The following GATM variants were observed in gnomAD, a reference collection of about 807,000 sequenced individuals.
GATM encodes glycine amidinotransferase, mitochondrial.
Under a neutral mutation model 54.2 loss-of-function variants are expected in GATM, and 23 were observed. The ratio of observed to expected loss-of-function variants is 0.42; its 90% confidence interval spans 0.31 to 0.60. The LOEUF (loss-of-function observed/expected upper bound fraction) is 0.60, where lower values mean the gene tolerates loss of function less well. Ranked by LOEUF, GATM falls within the 20% of genes least tolerant of loss-of-function variation. The pLI, the probability that GATM is intolerant of heterozygous loss-of-function variation, is 0.14. For missense variants in GATM, 401 were observed against 544.9 expected, an observed-to-expected ratio of 0.74 and a Z score of 2.63; for synonymous variants, 168 against 183.1, an observed-to-expected ratio of 0.92 and a Z score of 0.67.
chr15:45,397,315 G>A (rs1309923487), intron 2 of GATM: 1 of 151,968 alleles, frequency 6.6e-6, no homozygotes, highest in African/African-American at 2.4e-5. Flanking sequence ...CCTAGATGAG[G>A]GCTGGTCACC....
chr15:45,391,886 G>C (rs1194228716), intron 3 of GATM, among the ~76,000 whole-genome samples: 2 of 152,180 alleles, frequency 1.3e-5, no homozygotes, highest in Non-Finnish European at 2.9e-5. Context: ...AAAGATTTTA[G>C]GTTGGCAGAT....
chr15:45,376,712 A>C lies in GATM; in HGVS notation c.177T>G (p.Pro59=), dbSNP rs750790141. ...SCAADDKATE[P]LPKDCPVSSY... ...AAGAGACAGGGCAGTCCTTGGGCAG[A>C]GGCTCAGTGGCTTTGTCGTCAGCTG... The change falls in exon 2 of 9, where the codon CCT becomes CCG. Residue 59 remains proline (P), a synonymous_variant. Transcript: ENST00000396659. 1 of 1,614,212 alleles carries C rather than the reference A, an allele frequency of 6.2e-7. No individual in the cohort carries two copies. The highest frequency in any genetic ancestry group is 8.5e-7 in the Non-Finnish European group (1 of 1,180,036).
chr15:45,378,557 G>T (rs1397532388), upstream of GATM: 1 of 856,540 alleles, frequency 1.2e-6, no homozygotes. Context: ...GCGGGCGCGC[G>T]GGGCCCGAGG....
At chr15:45,367,653 C>CTGTA (rs1313885794) in intron 4 of GATM, among the ~76,000 whole-genome samples, 3 of 152,094 alleles carry the variant, frequency 2.0e-5, no homozygotes, top group Non-Finnish European at 4.4e-5. Flanking sequence ...TGAATTTGAA[C>CTGTA]TGTAGATCAG....
At chr15:45,382,016 G>A (rs1022810825), upstream of GATM, among the ~76,000 whole-genome samples, 1 of 152,198 alleles carries the variant, frequency 6.6e-6, no homozygotes, top group African/African-American at 2.4e-5. Flanking sequence ...GAACACGTGA[G>A]TGAATTACCT....
At chr15:45,393,348 C>T (rs1306904520) in intron 3 of GATM, among the ~76,000 whole-genome samples, 2 of 152,002 alleles carry the variant, frequency 1.3e-5, no homozygotes, top group Non-Finnish European at 2.9e-5. Context: ...CCTAGGTCTG[C>T]CACTTACTAG....
chr15:45,363,818 A>G lies in GATM; in HGVS notation c.1159+82T>C, dbSNP rs540795591. The G allele has an allele frequency of 7.0e-6, 6 of 854,888 alleles. 1 individual carries two copies. The highest frequency in any genetic ancestry group is 4.5e-4 in the Middle Eastern group (2 of 4,428). The allele number at this position is 854,888 out of a possible 1,614,324, so 53.0% of individuals were successfully genotyped here. A position where few individuals can be genotyped will look rare whatever the true frequency, so the allele number is the denominator to read the frequency against. On this transcript the variant is annotated intron_variant, in intron 8 of 8. Transcript: ENST00000396659. ...CAAAATTGAATTAGACAAACCATTT[A>G]TCAAACCTAGCATGTCATTTCTTTA... is the stretch of plus-strand genomic sequence containing the variant.
chr15:45,373,953 T>C (rs1447899126), intron 2 of GATM, among the ~76,000 whole-genome samples: 1 of 152,216 alleles, frequency 6.6e-6, no homozygotes, highest in Admixed American at 6.5e-5. Flanking sequence ...TACTGATATC[T>C]ACAACTATTA....
chr15:45,381,455 C>G (rs2140665621), upstream of GATM, among the ~76,000 whole-genome samples: 1 of 152,236 alleles, frequency 6.6e-6, no homozygotes, highest in Admixed American at 6.5e-5. Flanking sequence ...CAACAAAGCA[C>G]AGAGTTTTTG....
chr15:45,395,046 C>T lies in GATM; in HGVS notation c.-319+1876G>A, dbSNP rs191216664. Reference sequence around the variant, plus strand: ...AAACAGATATTTCTGTCTCCTCTGTCTGATTTTAGTGTCTTAGAAAGAAGA... The same window carrying T: ...AAACAGATATTTCTGTCTCCTCTGTTTGATTTTAGTGTCTTAGAAAGAAGA... On this transcript the variant is annotated intron_variant, in intron 3 of 4. Transcript: ENST00000561148. Among the ~76,000 whole-genome samples the T allele has an allele frequency of 6.0e-3, 915 of 152,266 alleles. 9 individuals carry two copies. The highest frequency in any genetic ancestry group is 0.02 in the South Asian group (95 of 4,826).
At chr15:45,372,687 C>T (rs925332409) in intron 2 of GATM, among the ~76,000 whole-genome samples, 2 of 152,146 alleles carry the variant, frequency 1.3e-5, no homozygotes, top group Non-Finnish European at 1.5e-5. Flanking sequence ...AAGTATCCTC[C>T]GTGACTATTT....
chr15:45,393,950 C>G (rs577184127), intron 3 of GATM, among the ~76,000 whole-genome samples: 1 of 152,280 alleles, frequency 6.6e-6, no homozygotes, highest in Admixed American at 6.5e-5. Flanking sequence ...AAATGAATTG[C>G]TCAAGACCAT....
At chr15:45,372,915 T>C (rs1889565803) in intron 2 of GATM, among the ~76,000 whole-genome samples, 1 of 152,238 alleles carries the variant, frequency 6.6e-6, no homozygotes, top group Non-Finnish European at 1.5e-5. Flanking sequence ...CCAAGTTGTT[T>C]GCAAGATGAT....
chr15:45,369,585 T>C (rs939500005), intron 2 of GATM, 64 bp from the exon 3 acceptor site: 69 of 1,418,606 alleles, frequency 4.9e-5, no homozygotes, highest in Non-Finnish European at 6.4e-5. Flanking sequence ...GATAGGTTCA[T>C]AGGCAGTAAA....
chr15:45,376,802 T>C lies in GATM; in HGVS notation c.87A>G (p.Thr29=). The C allele has an allele frequency of 6.2e-7, 1 of 1,614,062 alleles. No individual in the cohort carries two copies. The highest frequency in any genetic ancestry group is 8.5e-7 in the Non-Finnish European group (1 of 1,179,974). ...YIGSRLGRTL[T]GWVQRTFQST... is the part of the protein sequence containing the mutation. ...TCTGGAAAGTTCGCTGCACCCATCC[T>C]GTCAAGGTTCGTCCAAGCTTCCAAG... The change falls in exon 2 of 9, where the codon ACA becomes ACG. Residue 29 remains threonine, a synonymous_variant. Coordinates refer to ENST00000396659, the MANE Select transcript of GATM (RefSeq NM_001482.3).
At chr15:45,398,908 G>T (rs1889965827) in intron 2 of GATM, among the ~76,000 whole-genome samples, 1 of 151,552 alleles carries the variant, frequency 6.6e-6, no homozygotes, top group Non-Finnish European at 1.5e-5. Flanking sequence ...TATGCTGAAG[G>T]GACAAAAATA....
upstream of GATM, among the ~76,000 whole-genome samples, chr15:45,380,285 T>G: frequency 6.7e-6 from 1 of 150,124 alleles, no homozygotes; most frequent in East Asian, 2.0e-4. Flanking sequence ...AGGTAATGTG[T>G]TACTACTCTA....
upstream of GATM, chr15:45,380,582 G>T (rs1234853317): frequency 6.6e-6 from 1 of 152,086 alleles, no homozygotes; most frequent in Non-Finnish European, 1.5e-5. Flanking sequence ...GAAGAGTACA[G>T]TAAGTACACA....
intron 8 of GATM, among the ~76,000 whole-genome samples, chr15:45,362,631 T>A (rs1354913642): frequency 6.6e-6 from 1 of 152,216 alleles, no homozygotes; most frequent in Non-Finnish European, 1.5e-5. Flanking sequence ...ACTTTACATA[T>A]TCACATATAA....
Sources: gnomAD v4.1 joint callset for allele counts (sites outside exome capture counted in the v4.1 genomes callset) on GRCh38, gnomAD v4.1.1 for gene constraint, MANE v1.5 for transcripts, NCBI Gene and HGNC (gene_info 2026-07-23, HGNC 2026-07-21) for gene names.